FOXP2: variants seen among roughly 807,000 people sequenced by gnomAD.
FOXP2 encodes forkhead box P2.
FOXP2 carries 12 observed loss-of-function variants against 115.8 expected under a neutral mutation model. The observed-to-expected ratio is 0.10, with a 90% confidence interval of 0.07 to 0.17. The LOEUF is 0.17. Among genes scored for constraint, FOXP2 ranks in the 10% least tolerant of loss-of-function variants. The pLI is 1.00. For synonymous variants in FOXP2, 328 were observed against 297.7 expected, an observed-to-expected ratio of 1.10 and a Z score of -1.05; for missense variants, 629 against 843.5, an observed-to-expected ratio of 0.75 and a Z score of 3.15.
chr7:114,381,373 G>T (rs975863003), intron 2 of FOXP2, among the ~76,000 whole-genome samples: 4 of 152,178 alleles, frequency 2.6e-5, no homozygotes, highest in Admixed American at 1.3e-4. Flanking sequence ...CTGAATAGGT[G>T]GCTAAAATTA....
chr7:114,458,546 CTTT>C (rs1177402028), intron 2 of FOXP2, among the ~76,000 whole-genome samples: 4 of 113,414 alleles, frequency 3.5e-5, no homozygotes, highest in Admixed American at 9.9e-5. Flanking sequence ...ATTTTCTTTT[CTTT>C]TTTTTTTTTT....
chr7:114,256,797 G>T (rs1795624965), intron 1 of FOXP2, among the ~76,000 whole-genome samples: 1 of 152,074 alleles, frequency 6.6e-6, no homozygotes, highest in South Asian at 2.1e-4. Context: ...AATCAGAGAG[G>T]GTACAAACAA....
intron 2 of FOXP2, among the ~76,000 whole-genome samples, chr7:114,315,166 C>T (rs1465613963): frequency 6.6e-6 from 1 of 152,122 alleles, no homozygotes. Flanking sequence ...TACATTTCCT[C>T]TCTGGGAATT....
intron 3 of FOXP2, among the ~76,000 whole-genome samples, chr7:114,613,538 G>A (rs1803747986): frequency 6.6e-6 from 1 of 152,014 alleles, no homozygotes. Context: ...AGCCAGGCGT[G>A]GTGGCAGGTG....
chr7:114,519,479 A>G (rs1196544926), intron 2 of FOXP2, among the ~76,000 whole-genome samples: 1 of 152,196 alleles, frequency 6.6e-6, no homozygotes, highest in Non-Finnish European at 1.5e-5. Context: ...AAGTGATAGC[A>G]GTAGAAATCC....
intron 1 of FOXP2, among the ~76,000 whole-genome samples, chr7:114,096,365 G>A (rs941175175): frequency 2.0e-5 from 3 of 152,150 alleles, no homozygotes; most frequent in Non-Finnish European, 4.4e-5. Context: ...AAACGTTATT[G>A]TCTTGATCAG....
intron 1 of FOXP2, chr7:114,416,309 G>A (rs1014112797): frequency 6.6e-6 from 1 of 152,014 alleles, no homozygotes; most frequent in African/African-American, 2.4e-5. Flanking sequence ...ATGCAAGCCA[G>A]TATAAACACA....
At chr7:114,654,419 T>C (rs1806459017) in intron 10 of FOXP2, among the ~76,000 whole-genome samples, 1 of 152,206 alleles carries the variant, frequency 6.6e-6, no homozygotes, top group Admixed American at 6.6e-5. Flanking sequence ...TACATATAAA[T>C]AGATTTTTAT....
chr7:114,303,332 A>T (rs1796921615), intron 2 of FOXP2, among the ~76,000 whole-genome samples: 1 of 152,184 alleles, frequency 6.6e-6, no homozygotes, highest in South Asian at 2.1e-4. Flanking sequence ...TGATATTTAC[A>T]TTTGGGAAAA....
intron 1 of FOXP2, among the ~76,000 whole-genome samples, chr7:114,142,221 A>T (rs906897581): frequency 6.6e-6 from 1 of 152,066 alleles, no homozygotes; most frequent in Non-Finnish European, 1.5e-5. Flanking sequence ...CAGGGGTTTC[A>T]TCACATTGGC....
At chr7:114,679,689 C>T (rs1044788917) in intron 16 of FOXP2, among the ~76,000 whole-genome samples, 8 of 152,024 alleles carry the variant, frequency 5.3e-5, no homozygotes, top group African/African-American at 1.9e-4. Context: ...CTCCATTTTC[C>T]CTATTTCTAC....
intron 2 of FOXP2, among the ~76,000 whole-genome samples, chr7:114,381,609 A>T (rs1792298319): frequency 6.6e-6 from 1 of 152,158 alleles, no homozygotes; most frequent in African/African-American, 2.4e-5. Flanking sequence ...AGGACTGTAA[A>T]CCACTCTGCT....
intron 8 of FOXP2, among the ~76,000 whole-genome samples, chr7:114,648,463 T>C (rs1046440253): frequency 4.6e-5 from 7 of 152,142 alleles, no homozygotes; most frequent in Non-Finnish European, 8.8e-5. Context: ...ATCTGATCCC[T>C]TTTTAGCTTA....
chr7:114,151,639 CA>C (rs2129148914), intron 1 of FOXP2, among the ~76,000 whole-genome samples: 1 of 152,118 alleles, frequency 6.6e-6, no homozygotes, highest in African/African-American at 2.4e-5. Flanking sequence ...TTGAACTTTA[CA>C]AACCTTTTGC....
At chr7:114,417,195 T>C (rs1793387279) in intron 1 of FOXP2, among the ~76,000 whole-genome samples, 2 of 151,946 alleles carry the variant, frequency 1.3e-5, no homozygotes, top group Non-Finnish European at 2.9e-5. Flanking sequence ...CCAACTCCAT[T>C]CTGAAAGCAG....
At chr7:114,221,709 T>G (rs1304615440) in intron 1 of FOXP2, among the ~76,000 whole-genome samples, 1 of 152,212 alleles carries the variant, frequency 6.6e-6, no homozygotes, top group African/African-American at 2.4e-5. Context: ...TATCACTTCT[T>G]CCTTTTATCT....
At chr7:114,656,011 G>A (rs1283829865) in intron 10 of FOXP2, among the ~76,000 whole-genome samples, 1 of 152,054 alleles carries the variant, frequency 6.6e-6, no homozygotes, top group Non-Finnish European at 1.5e-5. Context: ...CTTCCCTTTA[G>A]TTAATAATAA....
chr7:114,103,247 G>GC (rs1214194903), intron 1 of FOXP2, among the ~76,000 whole-genome samples: 1 of 151,942 alleles, frequency 6.6e-6, no homozygotes, highest in African/African-American at 2.4e-5. Context: ...TAGCCCATTG[G>GC]CCCAGGGTGC....
At chr7:114,427,427 A>G (rs991263668) in intron 2 of FOXP2, among the ~76,000 whole-genome samples, 5 of 151,578 alleles carry the variant, frequency 3.3e-5, no homozygotes, top group African/African-American at 1.2e-4. Flanking sequence ...TTTCAACCAA[A>G]AAATAGCCAC....
Sources: allele counts gnomAD v4.1 joint callset (sites outside exome capture counted in the v4.1 genomes callset), GRCh38; gene constraint gnomAD v4.1.1; transcripts MANE v1.5; gene names NCBI Gene and HGNC (gene_info 2026-07-23, HGNC 2026-07-21).